Variants in RBFOX1 observed in about 807,000 individuals in gnomAD.
The protein encoded by RBFOX1 is RNA binding fox-1 homolog 1.
RBFOX1 carries 8 observed loss-of-function variants against 57.7 expected under a neutral mutation model. The ratio of observed to expected loss-of-function variants is 0.14; its 90% CI spans 0.08 to 0.25. The LOEUF is 0.25. Ranked by LOEUF, RBFOX1 falls within the 10% of genes least tolerant of loss-of-function variation. The pLI is 1.00. For missense variants in RBFOX1, 611 were observed against 548.5 expected, an observed-to-expected ratio of 1.11 and a Z score of -1.14; for synonymous variants, 326 against 222.4, an observed-to-expected ratio of 1.47 and a Z score of -4.15.
chr16:6,235,537 GGTGTGTGTGTGC>G (rs2097499152), intron 1 of RBFOX1, among the ~76,000 whole-genome samples: 2 of 140,430 alleles, frequency 1.4e-5, no homozygotes, highest in African/African-American at 2.6e-5. Flanking sequence ...AAGAAACTGT[GGTGTGTGTGTGC>G]GTGTATGTAT....
intron 2 of RBFOX1, among the ~76,000 whole-genome samples, chr16:6,610,027 C>CAA (rs1336689154): frequency 6.6e-6 from 1 of 151,406 alleles, no homozygotes; most frequent in Non-Finnish European, 1.5e-5. Flanking sequence ...CAAAACAAAA[C>CAA]AAAACAAAAC....
At chr16:5,507,995 C>T (rs1286344367) in intron 2 of RBFOX1, among the ~76,000 whole-genome samples, 3 of 152,124 alleles carry the variant, frequency 2.0e-5, no homozygotes. Context: ...GCTCACATGG[C>T]ATTGACCCAT....
chr16:5,927,172 A>G (rs922293852), intron 4 of RBFOX1, among the ~76,000 whole-genome samples: 4 of 152,236 alleles, frequency 2.6e-5, no homozygotes, highest in Non-Finnish European at 4.4e-5. Context: ...TTAAAATCCA[A>G]TGAAAGTAAA....
At chr16:7,413,271 C>T (rs1405058115) in intron 4 of RBFOX1, among the ~76,000 whole-genome samples, 7 of 152,018 alleles carry the variant, frequency 4.6e-5, no homozygotes, top group Non-Finnish European at 8.8e-5. Flanking sequence ...CACTGATTCT[C>T]GCCTGTAAAC....
In RBFOX1 at chr16:7,140,157, C is replaced by CCTCCCTCTCTCTCTCTCTCT. The variant is rs2073300584; in HGVS notation, c.27+88062_27+88063insCCTCTCTCTCTCTCTCTCTC. 6.8e-4 allele frequency among the ~76,000 whole-genome samples: 48 copies of CCTCCCTCTCTCTCTCTCTCT among 70,886 alleles called. 1 individual carries two copies. Among genetic ancestry groups the CCTCCCTCTCTCTCTCTCTCT allele is most frequent in the African/African-American group, 2.7e-3 (46 of 16,900 alleles). The allele number at this position is 70,886 out of a possible 152,430, so 46.5% of individuals were successfully genotyped here. ...CATTCTCTTATTCTCTCCTTCTCTC[C>CCTCCCTCTCTCTCTCTCTCT]CTCTCTCTCTCTCTCTCTCTCTCTC... is the stretch of plus-strand genomic sequence containing the variant. On this transcript the variant is annotated intron_variant, in intron 4 of 15. Coordinates refer to ENST00000550418, the MANE Select transcript of RBFOX1 (RefSeq NM_018723.4).
At chr16:5,763,054 T>C (rs1301446776) in intron 3 of RBFOX1, among the ~76,000 whole-genome samples, 1 of 152,180 alleles carries the variant, frequency 6.6e-6, no homozygotes, top group Non-Finnish European at 1.5e-5. Flanking sequence ...AAAAACTTAA[T>C]GTTAAAATAG....
At position 6,127,298 on chromosome 16, in the gene RBFOX1, A is replaced by G. The variant is rs572731417; in HGVS notation, c.-127+107306A>G. Among the ~76,000 whole-genome samples the G allele has an allele frequency of 1.1e-4, 17 of 151,826 alleles. No homozygotes were observed. In the South Asian group the frequency reaches 3.3e-3, roughly 30 times the overall value. ...CTCTCTTTTTTTAAAAAAAAAAAAA[A>G]TTGTTTTCCAGTATTGTTTTTCTCC... is the stretch of plus-strand genomic sequence containing the variant. On this transcript the variant is annotated intron_variant, in intron 1 of 15. Transcript: ENST00000550418.
intron 4 of RBFOX1, among the ~76,000 whole-genome samples, chr16:7,323,373 A>G (rs1384821371): frequency 1.3e-5 from 2 of 152,184 alleles, no homozygotes; most frequent in African/African-American, 4.8e-5. Context: ...GCAGTGAGCT[A>G]TGATCATGCC....
intron 1 of RBFOX1, among the ~76,000 whole-genome samples, chr16:5,363,031 CTTTT>C (rs35426149): frequency 5.2e-5 from 5 of 95,418 alleles, no homozygotes; most frequent in Admixed American, 1.2e-4. Flanking sequence ...GATTTTAATT[CTTTT>C]TTTTTTTTTT....
chr16:5,632,902 A>C (rs1348078452), intron 3 of RBFOX1, among the ~76,000 whole-genome samples: 1 of 150,180 alleles, frequency 6.7e-6, no homozygotes, highest in Non-Finnish European at 1.5e-5. Flanking sequence ...AACACAACCC[A>C]GGTCACCTGA....
chr16:5,496,514 G>C (rs2043007700), intron 2 of RBFOX1, among the ~76,000 whole-genome samples: 1 of 151,898 alleles, frequency 6.6e-6, no homozygotes, highest in African/African-American at 2.4e-5. Context: ...TCATCTCTCG[G>C]TCGTACTCCG....
chr16:6,905,238 G>A (rs1293568207), intron 3 of RBFOX1, among the ~76,000 whole-genome samples: 7 of 151,404 alleles, frequency 4.6e-5, no homozygotes, highest in Admixed American at 1.3e-4. Flanking sequence ...AACAGTCTCT[G>A]TAACTGTTTA....
chr16:7,159,738 C>T (rs959801053), intron 4 of RBFOX1, among the ~76,000 whole-genome samples: 1 of 152,126 alleles, frequency 6.6e-6, no homozygotes, highest in South Asian at 2.1e-4. Flanking sequence ...CCTGACAAGA[C>T]CCAGAAATTT....
At chr16:6,978,134 G>T (rs1486084306) in intron 3 of RBFOX1, among the ~76,000 whole-genome samples, 1 of 145,590 alleles carries the variant, frequency 6.9e-6, no homozygotes, top group Non-Finnish European at 1.5e-5. Context: ...CACAACAGCC[G>T]GGCATGATGC....
chr16:7,151,366 T>G (rs2076076000), intron 4 of RBFOX1, among the ~76,000 whole-genome samples: 1 of 152,134 alleles, frequency 6.6e-6, no homozygotes, highest in Non-Finnish European at 1.5e-5. Context: ...CTCATGAAAT[T>G]AGGACTGCAA....
chr16:7,629,475 G>T (rs1157175433), intron 10 of RBFOX1, among the ~76,000 whole-genome samples: 6 of 152,146 alleles, frequency 3.9e-5, no homozygotes, highest in Admixed American at 2.6e-4. Context: ...CCTGACAGGG[G>T]AATCCAAATC....
At chr16:7,089,472 A>G (rs1472876136) in intron 4 of RBFOX1, among the ~76,000 whole-genome samples, 9 of 152,292 alleles carry the variant, frequency 5.9e-5, no homozygotes, top group African/African-American at 1.7e-4. Flanking sequence ...CTAGCATTTC[A>G]TGGAAAGGAG....
chr16:6,745,314 G>T (rs1324689635), intron 3 of RBFOX1, among the ~76,000 whole-genome samples: 2 of 151,988 alleles, frequency 1.3e-5, no homozygotes, highest in East Asian at 3.9e-4. Flanking sequence ...AACGATTACT[G>T]TAATACCAAA....
chr16:6,706,762 A>T (rs760630907), intron 3 of RBFOX1, among the ~76,000 whole-genome samples: 31 of 150,970 alleles, frequency 2.1e-4, no homozygotes, highest in Non-Finnish European at 2.4e-4. Flanking sequence ...ATCTTACAAG[A>T]CATACGGCCA....
Sources: gnomAD v4.1 joint callset for allele counts (sites outside exome capture counted in the v4.1 genomes callset) on GRCh38, gnomAD v4.1.1 for gene constraint, MANE v1.5 for transcripts, NCBI Gene and HGNC (gene_info 2026-07-23, HGNC 2026-07-21) for gene names.